The following USP25 variants were observed in gnomAD, a reference collection of about 807,000 sequenced individuals.
USP25 encodes the protein ubiquitin carboxyl-terminal hydrolase 25.
Under a neutral mutation model 158.5 loss-of-function variants are expected in USP25, and 85 were observed. The observed-to-expected ratio is 0.54, with a 90% CI of 0.45 to 0.64. The LOEUF (loss-of-function observed/expected upper bound fraction) is 0.64. Among genes scored for constraint, USP25 ranks in the 30% least tolerant of loss-of-function variants. The pLI is 0.00. For missense variants in USP25, 1,242 were observed against 1,327.3 expected (o/e 0.94, Z 1.00); for synonymous variants, 464 against 460.4 (o/e 1.01, Z -0.10).
At chr21:15,810,655 C>G (rs1049740915) in intron 8 of USP25, among the ~76,000 whole-genome samples, 8 of 152,280 alleles carry the variant, frequency 5.3e-5, no homozygotes, top group Middle Eastern at 3.4e-3. Flanking sequence ...CTCGTTCCCT[C>G]CCTGGTGAGG....
At chr21:15,759,200 CT>C (rs2033579138) in intron 1 of USP25, among the ~76,000 whole-genome samples, 1 of 152,082 alleles carries the variant, frequency 6.6e-6, no homozygotes, top group African/African-American at 2.4e-5. Context: ...TTCTGTAAAA[CT>C]TTTATGCCTT....
chr21:15,854,050 C>T (rs766629574), intron 20 of USP25, among the ~76,000 whole-genome samples: 4 of 152,102 alleles, frequency 2.6e-5, no homozygotes, highest in Admixed American at 6.6e-5. Context: ...CTGCTTCTGT[C>T]TTCCTGTTTC....
intron 9 of USP25, among the ~76,000 whole-genome samples, chr21:15,814,558 CAGAT>C (rs1426407441): frequency 1.3e-5 from 2 of 152,152 alleles, no homozygotes; most frequent in South Asian, 2.1e-4. Flanking sequence ...GAGGTGGTCT[CAGAT>C]GGAGATGAGG....
intron 18 of USP25, among the ~76,000 whole-genome samples, chr21:15,844,122 G>A (rs1014689870): frequency 8.5e-5 from 13 of 152,108 alleles, no homozygotes; most frequent in African/African-American, 3.1e-4. Context: ...GTTTTCTGGA[G>A]TGGCATCCAC....
At chr21:15,814,697 G>A (rs1445785258) in intron 9 of USP25, among the ~76,000 whole-genome samples, 1 of 152,070 alleles carries the variant, frequency 6.6e-6, no homozygotes, top group Non-Finnish European at 1.5e-5. Context: ...TAAGATATCG[G>A]TGGAAGAAAT....
chr21:15,737,876 T>C (rs1436160727), intron 1 of USP25, among the ~76,000 whole-genome samples: 1 of 152,090 alleles, frequency 6.6e-6, no homozygotes, highest in African/African-American at 2.4e-5. Flanking sequence ...TGTATTTTGC[T>C]TACCTGGGTT....
chr21:15,808,725 A>C, intron 7 of USP25, 84 bp from the exon 8 acceptor site: 1 of 924,642 alleles, frequency 1.1e-6, no homozygotes, highest in South Asian at 2.0e-5. Context: ...ATATTTCAAC[A>C]ACTGGCTCTA....
At chr21:15,730,523 G>T in intron 1 of USP25, 85 bp downstream of exon 1, 1 of 1,262,772 alleles carries the variant, frequency 7.9e-7, no homozygotes. Flanking sequence ...CCCCGGCCTC[G>T]CCGCCGCCGC....
intron 1 of USP25, among the ~76,000 whole-genome samples, chr21:15,745,675 C>G (rs1249407430): frequency 6.6e-6 from 1 of 151,960 alleles, no homozygotes; most frequent in Non-Finnish European, 1.5e-5. Context: ...AGGGTTTCAC[C>G]ATGTTGGCCA....
intron 1 of USP25, among the ~76,000 whole-genome samples, chr21:15,734,158 T>C (rs1293815966): frequency 6.6e-6 from 1 of 152,156 alleles, no homozygotes; most frequent in Non-Finnish European, 1.5e-5. Flanking sequence ...ATCTAACAGA[T>C]CTACAGTCAA....
intron 8 of USP25, among the ~76,000 whole-genome samples, chr21:15,810,334 C>G (rs1258455475): frequency 6.6e-6 from 1 of 151,970 alleles, no homozygotes; most frequent in Admixed American, 6.6e-5. Flanking sequence ...CCCCTCTCTC[C>G]CTTTTTAAAC....
At chr21:15,757,499 A>G (rs2033455768) in intron 1 of USP25, among the ~76,000 whole-genome samples, 1 of 152,220 alleles carries the variant, frequency 6.6e-6, no homozygotes. Context: ...TCTTCTCCAT[A>G]ATATACTCAG....
chr21:15,861,055 T>G (rs1225424415), intron 20 of USP25, among the ~76,000 whole-genome samples: 1 of 151,842 alleles, frequency 6.6e-6, no homozygotes, highest in Non-Finnish European at 1.5e-5. Flanking sequence ...TTTACAGTAT[T>G]ACTTAGAAAA....
intron 5 of USP25, among the ~76,000 whole-genome samples, chr21:15,795,914 G>A (rs2035840018): frequency 1.3e-5 from 2 of 151,192 alleles, no homozygotes; most frequent in African/African-American, 4.8e-5. Context: ...AATTTATCAC[G>A]CTTCTCAGTC....
intron 9 of USP25, among the ~76,000 whole-genome samples, chr21:15,818,224 T>A (rs903100934): frequency 6.6e-6 from 1 of 152,208 alleles, no homozygotes; most frequent in African/African-American, 2.4e-5. Flanking sequence ...GCTCCCATTT[T>A]TATACCTCTC....
chr21:15,739,288 T>G (rs898887367), intron 1 of USP25, among the ~76,000 whole-genome samples: 8 of 152,210 alleles, frequency 5.3e-5, no homozygotes, highest in African/African-American at 1.9e-4. Context: ...TTACCTACTT[T>G]TGTACCTCAT....
At chr21:15,847,258 GC>G (rs1161151878) in intron 18 of USP25, among the ~76,000 whole-genome samples, 3 of 152,102 alleles carry the variant, frequency 2.0e-5, no homozygotes, top group Non-Finnish European at 4.4e-5. Context: ...AAAATTGTCA[GC>G]TATACAGACA....
intron 5 of USP25, among the ~76,000 whole-genome samples, chr21:15,797,703 TC>T (rs920186191): frequency 3.3e-5 from 5 of 151,196 alleles, no homozygotes; most frequent in African/African-American, 1.2e-4. Context: ...CTCTTTAAAT[TC>T]CTCAAAAGAA....
At chr21:15,765,842 A>G (rs1415569196) in intron 2 of USP25, among the ~76,000 whole-genome samples, 155 bp from the exon 3 acceptor site, 1 of 152,104 alleles carries the variant, frequency 6.6e-6, no homozygotes, top group East Asian at 1.9e-4. Flanking sequence ...TACTTTATGT[A>G]TGATGCATTT....
Sources: gnomAD v4.1 joint callset for allele counts (sites outside exome capture counted in the v4.1 genomes callset) on GRCh38, gnomAD v4.1.1 for gene constraint, MANE v1.5 for transcripts, NCBI Gene and HGNC (gene_info 2026-07-23, HGNC 2026-07-21) for gene names.